USP15: variants seen among roughly 807,000 people sequenced by gnomAD.
USP15 encodes ubiquitin specific peptidase 15.
Under a neutral mutation model 127.1 loss-of-function variants are expected in USP15, and 18 were observed. The observed-to-expected ratio is 0.14, with a 90% CI of 0.10 to 0.21. USP15 has a LOEUF of 0.21. USP15 is among the 10% of genes least tolerant of loss of function. The pLI is 1.00. For missense variants in USP15, 805 were observed against 1,159.9 expected (o/e 0.69, Z 4.44); for synonymous variants, 364 against 393.7 (o/e 0.92, Z 0.89).
At chr12:62,341,261 C>A (rs192652833) in intron 6 of USP15, among the ~76,000 whole-genome samples, 1 of 151,888 alleles carries the variant, frequency 6.6e-6, no homozygotes, top group African/African-American at 2.4e-5. Flanking sequence ...TATTTTGAGC[C>A]TATGTATGTC....
At chr12:62,382,065 G>A (rs2067006740) in intron 9 of USP15, among the ~76,000 whole-genome samples, 1 of 151,916 alleles carries the variant, frequency 6.6e-6, no homozygotes, top group Non-Finnish European at 1.5e-5. Context: ...GCATGTTACT[G>A]AACTCTAAGA....
At chr12:62,377,122 T>C (rs1164038784) in intron 8 of USP15, among the ~76,000 whole-genome samples, 1 of 152,128 alleles carries the variant, frequency 6.6e-6, no homozygotes, top group Non-Finnish European at 1.5e-5. Flanking sequence ...ATAAAGGAAT[T>C]CAATGTATAA....
intron 20 of USP15, among the ~76,000 whole-genome samples, chr12:62,399,232 A>G (rs2067597939): frequency 6.6e-6 from 1 of 152,208 alleles, no homozygotes; most frequent in Admixed American, 6.5e-5. Context: ...AGGTCAAGAA[A>G]CAATACAGCA....
chr12:62,328,539 G>GA (rs956831953), intron 6 of USP15: 338 of 187,416 alleles, frequency 1.8e-3, no homozygotes, highest in South Asian at 5.5e-3. Context: ...ACCTTCATGG[G>GA]AAAAAAAAAA....
rs2068011759 is a variant in USP15, at chr12:62,410,435, A to T, written c.*6060A>T. The stretch of plus-strand genomic sequence containing the variant: ...GTATTTTTTTTTAATTTGAGAAAGA[A>T]TTCCTGTAGGTCTCCCTTAAATAGT... On this transcript the variant is annotated 3_prime_UTR_variant, in exon 22 of 22. Transcript: ENST00000280377. 6.6e-6 allele frequency: 1 copy of T among 152,164 alleles called. No individual in the cohort carries two copies. The highest frequency in any genetic ancestry group is 2.4e-5 in the African/African-American group (1 of 41,442). 9.4% of individuals were successfully genotyped at this position (152,164 alleles called of 1,614,324 possible).
Position 62,405,780 on chromosome 12 carries a change from A to G in USP15, c.*1405A>G, listed in dbSNP as rs1033552300. ...ACTAATCAAATACAATAGATTATAA[A>G]TTGTGTATTGTAAATAAAAGTTCAC... On this transcript the variant is annotated 3_prime_UTR_variant, in exon 22 of 22. Transcript: ENST00000280377. 3 of 152,546 alleles carry G rather than the reference A, an allele frequency of 2.0e-5. No individual in the cohort carries two copies. The highest frequency in any genetic ancestry group is 7.2e-5 in the African/African-American group (3 of 41,436). The allele number at this position is 152,546 out of a possible 1,614,324, so 9.4% of individuals were successfully genotyped here.
In USP15 at chr12:62,384,149, C is replaced by G. The variant is rs1306027680; in HGVS notation, c.1320C>G (p.Gly440=). 1 of 1,612,876 alleles carries G rather than the reference C, an allele frequency of 6.2e-7. No individual in the cohort carries two copies. Among genetic ancestry groups the G allele is most frequent in the East Asian group, 2.2e-5 (1 of 44,810 alleles). ...CTATCATAGTAGATATATTTCATGG[C>G]CTTTTCAAATCAACTTTAGTTTGTC... ...NDSIIVDIFH[G]LFKSTLVCPE... The change falls in exon 11 of 22, where the codon GGC becomes GGG. Residue 440 remains glycine (G), a synonymous_variant. Coordinates refer to ENST00000280377, the MANE Select transcript of USP15 (RefSeq NM_001252078.2).
chr12:62,297,919 A>AT (rs2064184088), intron 2 of USP15, among the ~76,000 whole-genome samples: 1 of 152,216 alleles, frequency 6.6e-6, no homozygotes, highest in Non-Finnish European at 1.5e-5. Context: ...ACAACTTAAC[A>AT]AAACAAGAAA....
At chr12:62,320,760 T>G (rs2064962598) in intron 4 of USP15, among the ~76,000 whole-genome samples, 1 of 152,078 alleles carries the variant, frequency 6.6e-6, no homozygotes, top group Non-Finnish European at 1.5e-5. Flanking sequence ...AAGTTTAATA[T>G]TTTATAAATT....
At chr12:62,368,621 C>T (rs189173807) in intron 8 of USP15, among the ~76,000 whole-genome samples, 28 of 151,678 alleles carry the variant, frequency 1.8e-4, no homozygotes, top group Admixed American at 1.6e-3. Context: ...TCAAAGATTA[C>T]GCAACCCCTG....
At chr12:62,354,226 G>A (rs181515422) in intron 7 of USP15, among the ~76,000 whole-genome samples, 19 of 151,524 alleles carry the variant, frequency 1.3e-4, no homozygotes, top group African/African-American at 2.2e-4. Flanking sequence ...AAGTGAGAGC[G>A]TCCTATATGG....
In USP15 at chr12:62,341,090, A is replaced by G. The variant is rs1410938011; in HGVS notation, c.684-8131A>G. On this transcript the variant is annotated intron_variant, in intron 6 of 21. Coordinates refer to ENST00000280377, the MANE Select transcript of USP15 (RefSeq NM_001252078.2). ...GGGTCCACATATATTTAGGATAGTT[A>G]GCTCTTCTTGTGGCATTGATCCCTT... 2.0e-5 allele frequency among the ~76,000 whole-genome samples: 3 copies of G among 152,294 alleles called. No individual in the cohort carries two copies. The East Asian group carries it at 5.8e-4, about 29-fold the overall frequency.
Position 62,381,637 on chromosome 12 carries a change from A to C in USP15, c.1063A>C (p.Ser355Arg). 1.2e-6 allele frequency: 2 copies of C among 1,612,334 alleles called. No individual in the cohort carries two copies. Among genetic ancestry groups the C allele is most frequent in the Non-Finnish European group, 1.7e-6 (2 of 1,178,806 alleles). The part of the protein sequence containing the change: ...LIKQMWSGKF[S>R]YVTPRAFKTQ... ...CAAGCAAATGTGGTCTGGAAAGTTT[A>C]GCTACGTCACCCCAAGAGCCTTTAA... The change falls in exon 9 of 22, where the codon AGC becomes CGC. Residue 355 changes from serine (S) to arginine (R), a missense_variant. Around this residue, in one of 11 missense-constraint regions of USP15, gnomAD observed 84 missense variants for 210.3 expected, o/e 0.40. Coordinates refer to ENST00000280377, the MANE Select transcript of USP15 (RefSeq NM_001252078.2).
At chr12:62,401,106 A>G in intron 20 of USP15, 81 bp from the exon 21 acceptor site, 2 of 847,468 alleles carry the variant, frequency 2.4e-6, no homozygotes, top group South Asian at 1.5e-5. Flanking sequence ...GATATTCCTT[A>G]TATAGATGAT....
Position 62,393,041 on chromosome 12 carries a change from G to A in USP15, c.2421-12G>A, listed in dbSNP as rs199575389. The A allele has an allele frequency of 8.1e-6, 13 of 1,612,374 alleles. No homozygotes were observed. Among genetic ancestry groups the A allele is most frequent in the Non-Finnish European group, 1.1e-5 (13 of 1,179,502 alleles). ...CCTCTATCAAGTGTTAAATACTTCT[G>A]TTTATTCTTAGGTATTGTCCGAATT... On this transcript the variant is annotated splice_polypyrimidine_tract_variant and intron_variant, in intron 18 of 21. Transcript: ENST00000280377.
intron 1 of USP15, among the ~76,000 whole-genome samples, chr12:62,272,437 A>G (rs1163142436): frequency 6.6e-6 from 1 of 152,018 alleles, no homozygotes; most frequent in Non-Finnish European, 1.5e-5. Context: ...AATTGTCAGC[A>G]TAAACATGTA....
At position 62,416,374 on chromosome 12, in the gene USP15, A is replaced by G. The variant is rs1287196773; in HGVS notation, c.*11999A>G. 1 of 152,172 alleles carries G rather than the reference A, an allele frequency of 6.6e-6. No individual in the cohort carries two copies. The allele number at this position is 152,172 out of a possible 1,614,324, so 9.4% of individuals were successfully genotyped here. ...TTGTTCCTAAATGTAAAAGTTATTAAACAAGTTTTCTGAAAGTCTGAAGCT... is the reference window on the plus strand; with the variant it reads ...TTGTTCCTAAATGTAAAAGTTATTAGACAAGTTTTCTGAAAGTCTGAAGCT... On this transcript the variant is annotated 3_prime_UTR_variant, in exon 22 of 22. Coordinates refer to ENST00000280377, the MANE Select transcript of USP15 (RefSeq NM_001252078.2).
rs183242271 is a variant in USP15 at position 62,341,064 on chromosome 12, T to G, written c.684-8157T>G. On this transcript the variant is annotated intron_variant, in intron 6 of 21. Coordinates refer to ENST00000280377, the MANE Select transcript of USP15 (RefSeq NM_001252078.2). ...TTTATGAATCTGGGTGCTCCTATAT[T>G]GGGTCCACATATATTTAGGATAGTT... Among the ~76,000 whole-genome samples the G allele has an allele frequency of 2.0e-5, 3 of 152,326 alleles. No homozygotes were observed. The East Asian group carries it at 5.8e-4, about 29-fold the overall frequency.
At chr12:62,346,627 A>G (rs1261889103) in intron 6 of USP15, among the ~76,000 whole-genome samples, 1 of 152,156 alleles carries the variant, frequency 6.6e-6, no homozygotes, top group Non-Finnish European at 1.5e-5. Context: ...TTGTTTTTAT[A>G]GTTCCCTAAC....
Sources: allele counts gnomAD v4.1 joint callset (sites outside exome capture counted in the v4.1 genomes callset), GRCh38; gene constraint gnomAD v4.1.1; regional missense constraint gnomAD v4.1.1; transcripts MANE v1.5; gene names NCBI Gene and HGNC (gene_info 2026-07-23, HGNC 2026-07-21).